Variants in FYB1 observed in about 807,000 individuals in gnomAD.
FYB1 encodes FYN-binding protein 1.
Under a neutral mutation model 94.1 loss-of-function variants are expected in FYB1, and 41 were observed. That is an observed-to-expected ratio of 0.44 (90% CI 0.34 to 0.57). The LOEUF (loss-of-function observed/expected upper bound fraction) is 0.57. FYB1 is among the 20% of genes least tolerant of loss of function. The probability of loss-of-function intolerance (pLI) is 0.02; values close to 1 mark genes in which losing one functional copy is unlikely to be tolerated. For missense variants in FYB1, 1,050 were observed against 976.8 expected, an observed-to-expected ratio of 1.07 and a Z score of -1.00; for synonymous variants, 367 against 353.2, an observed-to-expected ratio of 1.04 and a Z score of -0.44.
intron 1 of FYB1, among the ~76,000 whole-genome samples, chr5:39,269,127 G>T (rs1225434353): frequency 6.6e-6 from 1 of 151,858 alleles, no homozygotes; most frequent in East Asian, 2.0e-4. Context: ...TCGGCTCACT[G>T]CAAGCTCTGC....
chr5:39,157,121 AG>A (rs1743830999), intron 2 of FYB1, among the ~76,000 whole-genome samples: 1 of 152,168 alleles, frequency 6.6e-6, no homozygotes, highest in Admixed American at 6.6e-5. Flanking sequence ...CCAAGTTCAG[AG>A]AATTAGTAAG....
chr5:39,117,947 G>T (rs1293399576), intron 16 of FYB1, among the ~76,000 whole-genome samples: 1 of 152,024 alleles, frequency 6.6e-6, no homozygotes, highest in Non-Finnish European at 1.5e-5. Flanking sequence ...ACCCCAGCTG[G>T]AGTGTAGCAG....
intron 2 of FYB1, among the ~76,000 whole-genome samples, chr5:39,182,431 A>G (rs4957363): frequency 0.58 from 87,991 of 151,722 alleles, 29,590 homozygotes; most frequent in Non-Finnish European, 0.75. Context: ...GGTGCCTCAA[A>G]ACAATAAAAT....
chr5:39,229,305 C>T (rs920859376), intron 1 of FYB1, among the ~76,000 whole-genome samples: 1 of 152,150 alleles, frequency 6.6e-6, no homozygotes, highest in Non-Finnish European at 1.5e-5. Flanking sequence ...AAGCTGCTTG[C>T]ACGAAATACG....
At chr5:39,217,168 T>C (rs1749932364) in intron 1 of FYB1, among the ~76,000 whole-genome samples, 1 of 152,222 alleles carries the variant, frequency 6.6e-6, no homozygotes, top group African/African-American at 2.4e-5. Context: ...AATAAACACC[T>C]GGGACATGCT....
chr5:39,113,183 A>G (rs1442991790), intron 16 of FYB1, among the ~76,000 whole-genome samples: 1 of 148,634 alleles, frequency 6.7e-6, no homozygotes, highest in African/African-American at 2.5e-5. Context: ...CTAGAAATAC[A>G]TATATTTTTT....
chr5:39,198,509 C>T (rs1031878465), intron 2 of FYB1, among the ~76,000 whole-genome samples: 1 of 152,092 alleles, frequency 6.6e-6, no homozygotes, highest in African/African-American at 2.4e-5. Context: ...AATATGTATA[C>T]ATACACAGAT....
intron 1 of FYB1, among the ~76,000 whole-genome samples, chr5:39,246,853 A>G (rs1751497337): frequency 6.6e-6 from 1 of 151,968 alleles, no homozygotes; most frequent in Admixed American, 6.6e-5. Context: ...CTCAAGGCAG[A>G]ATAATACAGA....
intron 1 of FYB1, among the ~76,000 whole-genome samples, chr5:39,243,324 G>A (rs913751813): frequency 5.9e-5 from 9 of 151,702 alleles, no homozygotes; most frequent in African/African-American, 1.9e-4. Context: ...TGTATAAGGT[G>A]TAAGGAAGGG....
intron 1 of FYB1, among the ~76,000 whole-genome samples, chr5:39,261,545 A>T (rs1408897651): frequency 1.3e-5 from 2 of 152,178 alleles, no homozygotes; most frequent in East Asian, 3.9e-4. Flanking sequence ...TCAGGAGTTC[A>T]AGACCAACCT....
chr5:39,194,962 A>G (rs914349922), intron 2 of FYB1, among the ~76,000 whole-genome samples: 1 of 152,284 alleles, frequency 6.6e-6, no homozygotes, highest in East Asian at 1.9e-4. Flanking sequence ...CACCAGCCAC[A>G]AAGTGTGCAC....
chr5:39,126,271 T>C (rs756900217), intron 11 of FYB1, 136 bp from the exon 12 acceptor site: 1 of 892,640 alleles, frequency 1.1e-6, no homozygotes, highest in Non-Finnish European at 1.6e-6. Context: ...ACTCATTTTA[T>C]TGGACAAAAT....
intron 1 of FYB1, among the ~76,000 whole-genome samples, chr5:39,210,358 G>T (rs1049492585): frequency 6.6e-6 from 1 of 152,176 alleles, no homozygotes; most frequent in African/African-American, 2.4e-5. Flanking sequence ...ATTATCTCCT[G>T]GTCTGGTGTT....
intron 1 of FYB1, among the ~76,000 whole-genome samples, chr5:39,245,005 A>G (rs1303465539): frequency 6.6e-6 from 1 of 151,878 alleles, no homozygotes; most frequent in African/African-American, 2.4e-5. Flanking sequence ...ATCATTTTTT[A>G]TTGTTTCTAT....
chr5:39,130,943 A>G (rs532792380), intron 9 of FYB1, among the ~76,000 whole-genome samples: 8 of 152,314 alleles, frequency 5.3e-5, no homozygotes, highest in African/African-American at 1.9e-4. Context: ...ATGGACCATT[A>G]AAACAAGCCC....
intron 2 of FYB1, among the ~76,000 whole-genome samples, chr5:39,155,311 T>C (rs1173566460): frequency 6.6e-6 from 1 of 152,216 alleles, no homozygotes; most frequent in East Asian, 1.9e-4. Context: ...CCTGGAGTCT[T>C]AAAATCTGCT....
chr5:39,272,386 C>T (rs375327624), intron 1 of FYB1, among the ~76,000 whole-genome samples: 14 of 151,970 alleles, frequency 9.2e-5, no homozygotes, highest in East Asian at 7.7e-4. Context: ...TTAATCAGCC[C>T]GGGCGCGGTG....
chr5:39,185,788 A>G (rs924640432), intron 2 of FYB1, among the ~76,000 whole-genome samples: 7 of 152,048 alleles, frequency 4.6e-5, no homozygotes, highest in Non-Finnish European at 1.0e-4. Context: ...AGAGAGCTAT[A>G]AAAGTTGGAG....
Position 39,185,558 on chromosome 5 carries a change from TTGTG to T in FYB1, c.1135+16264_1135+16267del, listed in dbSNP as rs529142410. ...TATATATATGATATATATGATATGATTGTGTGTGTGTATATATATACATATATAC... is the reference window on the plus strand; with the variant it reads ...TATATATATGATATATATGATATGATTGTGTGTATATATATACATATATAC... On this transcript the variant is annotated intron_variant, in intron 2 of 18. Transcript: ENST00000512982. Among the ~76,000 whole-genome samples the T allele has an allele frequency of 3.6e-5, 5 of 138,200 alleles. No individual in the cohort carries two copies. In the South Asian group the frequency reaches 6.4e-4, roughly 18 times the overall value. 90.7% of individuals were successfully genotyped at this position (138,200 alleles called of 152,430 possible).
Sources: allele counts gnomAD v4.1 joint callset (sites outside exome capture counted in the v4.1 genomes callset), GRCh38; gene constraint gnomAD v4.1.1; transcripts MANE v1.5; gene names NCBI Gene and HGNC (gene_info 2026-07-23, HGNC 2026-07-21).